Variants in TOX observed in about 807,000 individuals in gnomAD.
TOX encodes thymocyte selection-associated high mobility group box protein TOX.
In TOX, 11 loss-of-function variants were observed where a neutral mutation model predicts 53.7. The ratio of observed to expected loss-of-function variants is 0.20; its 90% confidence interval spans 0.13 to 0.34. The LOEUF (loss-of-function observed/expected upper bound fraction) is 0.34. TOX is among the 10% of genes least tolerant of loss of function. TOX has a pLI of 1.00. For synonymous variants in TOX, 225 were observed against 245.3 expected (o/e 0.92, Z 0.77); for missense variants, 570 against 664.6 (o/e 0.86, Z 1.56).
intron 3 of TOX, among the ~76,000 whole-genome samples, chr8:58,913,206 C>G (rs1811934776): frequency 6.6e-6 from 1 of 152,280 alleles, no homozygotes; most frequent in East Asian, 1.9e-4. Flanking sequence ...GTCCCAGCTC[C>G]TTGGGAGGCT....
intron 3 of TOX, among the ~76,000 whole-genome samples, chr8:58,937,373 A>C (rs905895704): frequency 2.6e-5 from 4 of 152,246 alleles, no homozygotes. Flanking sequence ...GGCAGAGAGC[A>C]TAAGGAAATT....
At chr8:59,079,859 G>A (rs905719106) in intron 1 of TOX, among the ~76,000 whole-genome samples, 1 of 152,222 alleles carries the variant, frequency 6.6e-6, no homozygotes, top group Non-Finnish European at 1.5e-5. Context: ...AACAACCTGT[G>A]AGAGCAGCCT....
At chr8:58,965,591 T>C (rs911338065) in intron 1 of TOX, among the ~76,000 whole-genome samples, 14 of 151,988 alleles carry the variant, frequency 9.2e-5, no homozygotes, top group African/African-American at 2.9e-4. Context: ...AGGGAAACCA[T>C]TAAAAGAAAA....
At chr8:58,915,194 C>T (rs1470050957) in intron 3 of TOX, among the ~76,000 whole-genome samples, 1 of 151,410 alleles carries the variant, frequency 6.6e-6, no homozygotes, top group Non-Finnish European at 1.5e-5. Context: ...CTGGGTGGAG[C>T]CCACCACAGC....
rs764799881 is a variant in TOX, at chr8:58,851,813, A to G, written c.412-8T>C. ...GTTTCGTATATCTGGCATCTACAATAAATAAATAAATAAATAAATAAATAA... is the reference window on the plus strand; with the variant it reads ...GTTTCGTATATCTGGCATCTACAATGAATAAATAAATAAATAAATAAATAA... On this transcript the variant is annotated splice_polypyrimidine_tract_variant and splice_region_variant and intron_variant, in intron 3 of 8. Coordinates refer to ENST00000361421, the MANE Select transcript of TOX (RefSeq NM_014729.3). This position sits in a 1 kb window ranked among gnomAD's most constrained non-coding sequence, Gnocchi z 4.4. 5 of 180,790 alleles carry G rather than the reference A, an allele frequency of 2.8e-5. No individual in the cohort carries two copies. The African/African-American group carries it at 1.7e-3, about 62-fold the overall frequency. 11.2% of individuals were successfully genotyped at this position (180,790 alleles called of 1,614,324 possible).
intron 3 of TOX, among the ~76,000 whole-genome samples, chr8:58,894,224 C>A (rs1178869833): frequency 6.6e-6 from 1 of 152,198 alleles, no homozygotes; most frequent in Non-Finnish European, 1.5e-5. Flanking sequence ...TTCAGGAAAT[C>A]TTTGCTGATT....
chr8:58,843,135 G>T (rs879933840), intron 4 of TOX, among the ~76,000 whole-genome samples: 6 of 152,114 alleles, frequency 3.9e-5, no homozygotes, highest in African/African-American at 9.7e-5. Flanking sequence ...CTTTGTCTTT[G>T]TTGTGCCTAA....
intron 3 of TOX, among the ~76,000 whole-genome samples, chr8:58,858,218 T>C (rs1810947689): frequency 6.6e-6 from 1 of 152,168 alleles, no homozygotes; most frequent in African/African-American, 2.4e-5. Flanking sequence ...AGTGATGAAA[T>C]AGTGTTAAAA....
intron 3 of TOX, among the ~76,000 whole-genome samples, chr8:58,903,879 C>A (rs374241549): frequency 1.3e-5 from 2 of 152,262 alleles, no homozygotes; most frequent in Admixed American, 6.5e-5. Context: ...TAACCCTGCA[C>A]CCCAGCCTGA....
intron 1 of TOX, among the ~76,000 whole-genome samples, chr8:59,056,064 A>G (rs1803883053): frequency 6.6e-6 from 1 of 152,148 alleles, no homozygotes; most frequent in Admixed American, 6.5e-5. Flanking sequence ...TAAACATCCC[A>G]TAAAAGGTAG....
At chr8:58,988,720 C>T (rs1813384450) in intron 1 of TOX, among the ~76,000 whole-genome samples, 1 of 152,202 alleles carries the variant, frequency 6.6e-6, no homozygotes, top group African/African-American at 2.4e-5. Flanking sequence ...TACTACAGGA[C>T]TTCTCAACCT....
At position 59,099,838 on chromosome 8, in the gene TOX, T is replaced by C. The variant is rs145403738; in HGVS notation, c.102+19048A>G. Among the ~76,000 whole-genome samples, 6 of 152,336 alleles carry C rather than the reference T, an allele frequency of 3.9e-5. No homozygotes were observed. In the East Asian group the frequency reaches 1.2e-3, roughly 29 times the overall value. On this transcript the variant is annotated intron_variant, in intron 1 of 8. Transcript: ENST00000361421. ...TACATTAAAGAGACTGACTGTACCA[T>C]ATGGCTCTCAAAGTCAACCAAATCT...
intron 3 of TOX, among the ~76,000 whole-genome samples, chr8:58,881,562 TA>T (rs1811382796): frequency 6.6e-6 from 1 of 151,764 alleles, no homozygotes; most frequent in Admixed American, 6.6e-5. Context: ...CCATCTCTAC[TA>T]AAAATACCAA....
intron 2 of TOX, among the ~76,000 whole-genome samples, chr8:58,949,092 G>A (rs896602282): frequency 6.6e-6 from 1 of 152,070 alleles, no homozygotes; most frequent in African/African-American, 2.4e-5. Flanking sequence ...TATAAAATAG[G>A]GATGATGATA....
Position 58,921,116 on chromosome 8 carries a change from C to T in TOX, c.411+18186G>A, listed in dbSNP as rs112399757. ...CCAGGAGGTACTGTTCATCAGAGGG[C>T]TGCGTCATGAAGTATGTCAAAAGGA... is the stretch of plus-strand genomic sequence containing the variant. On this transcript the variant is annotated intron_variant, in intron 3 of 8. Coordinates refer to ENST00000361421, the MANE Select transcript of TOX (RefSeq NM_014729.3). Among the ~76,000 whole-genome samples the T allele has an allele frequency of 6.3e-3, 964 of 152,266 alleles. 13 individuals are homozygous for T. Among genetic ancestry groups the T allele is most frequent in the African/African-American group, 0.022 (924 of 41,544 alleles).
chr8:58,939,726 A>T (rs1045983733), intron 2 of TOX, among the ~76,000 whole-genome samples, 182 bp from the exon 3 acceptor site: 2 of 152,222 alleles, frequency 1.3e-5, no homozygotes, highest in Non-Finnish European at 2.9e-5. Context: ...ATTGCCTCAA[A>T]GGCAGATCCA....
intron 3 of TOX, among the ~76,000 whole-genome samples, chr8:58,909,038 C>T (rs1335527946): frequency 6.6e-6 from 1 of 152,200 alleles, no homozygotes; most frequent in Non-Finnish European, 1.5e-5. Context: ...AGTGAACTTT[C>T]AGAGAACACA....
chr8:59,060,502 C>A (rs1803964042), intron 1 of TOX, among the ~76,000 whole-genome samples: 1 of 152,174 alleles, frequency 6.6e-6, no homozygotes, highest in Admixed American at 6.5e-5. Context: ...TGGCACGTGC[C>A]TGTAGTCCCA....
intron 1 of TOX, among the ~76,000 whole-genome samples, chr8:59,023,198 G>T (rs1048046551): frequency 6.6e-5 from 10 of 152,094 alleles, no homozygotes; most frequent in African/African-American, 2.2e-4. Flanking sequence ...TGTGTTCAGT[G>T]CACTTCATAT....
Sources: gnomAD v4.1 joint callset for allele counts (sites outside exome capture counted in the v4.1 genomes callset) on GRCh38, gnomAD v4.1.1 for gene constraint, Gnocchi (gnomAD v3.1) non-coding constraint, MANE v1.5 for transcripts, NCBI Gene and HGNC (gene_info 2026-07-23, HGNC 2026-07-21) for gene names.